Variants in LUC7L2 observed in about 807,000 individuals in gnomAD.
LUC7L2 encodes the protein putative RNA-binding protein Luc7-like 2.
LUC7L2 carries 25 observed loss-of-function variants against 52.8 expected under a neutral mutation model. The observed-to-expected ratio is 0.47, with a 90% CI of 0.34 to 0.66. The LOEUF (loss-of-function observed/expected upper bound fraction) is 0.66. Ranked by LOEUF, LUC7L2 falls within the 30% of genes least tolerant of loss-of-function variation. The pLI, the probability that LUC7L2 is intolerant of heterozygous loss-of-function variation, is 0.01. For missense variants in LUC7L2, 328 were observed against 497.8 expected, an observed-to-expected ratio of 0.66 and a Z score of 3.25; for synonymous variants, 144 against 160.9, an observed-to-expected ratio of 0.89 and a Z score of 0.80.
At chr7:139,396,969 G>A (rs1390558196) in intron 2 of LUC7L2, among the ~76,000 whole-genome samples, 3 of 151,908 alleles carry the variant, frequency 2.0e-5, no homozygotes, top group Non-Finnish European at 4.4e-5. Flanking sequence ...TCTTGATCTC[G>A]TGCATTAGCT....
intron 1 of LUC7L2, among the ~76,000 whole-genome samples, chr7:139,352,072 A>C (rs529607642): frequency 6.6e-6 from 1 of 152,180 alleles, no homozygotes; most frequent in South Asian, 2.1e-4. Flanking sequence ...GCATGCCCCC[A>C]TAGTCCCAGC....
intron 1 of LUC7L2, among the ~76,000 whole-genome samples, chr7:139,361,870 C>T (rs891029494): frequency 2.0e-5 from 3 of 152,122 alleles, no homozygotes; most frequent in Non-Finnish European, 4.4e-5. Flanking sequence ...TTTACATGAT[C>T]CTTTTAATCC....
intron 1 of LUC7L2, among the ~76,000 whole-genome samples, chr7:139,347,360 G>A (rs1258327085): frequency 6.8e-6 from 1 of 146,410 alleles, no homozygotes; most frequent in Non-Finnish European, 1.5e-5. Context: ...AGCTGATGTG[G>A]GCGGATCACC....
chr7:139,365,267 C>G (rs577232173), intron 1 of LUC7L2, among the ~76,000 whole-genome samples: 1 of 152,288 alleles, frequency 6.6e-6, no homozygotes, highest in East Asian at 1.9e-4. Flanking sequence ...CCTGGATTCT[C>G]TACAGTTGTT....
At chr7:139,371,553 T>C in intron 1 of LUC7L2, 1 of 710,410 alleles carries the variant, frequency 1.4e-6, no homozygotes, top group Non-Finnish European at 2.2e-6. Context: ...AGAGGGTGGG[T>C]AGTACTGGGG....
intron 1 of LUC7L2, among the ~76,000 whole-genome samples, chr7:139,351,047 A>G (rs1310812605): frequency 2.6e-5 from 4 of 152,034 alleles, no homozygotes; most frequent in Non-Finnish European, 5.9e-5. Context: ...CATGTTGGGT[A>G]TTCCTCAGGG....
chr7:139,404,914 C>T (rs984640167), intron 4 of LUC7L2, among the ~76,000 whole-genome samples: 2 of 152,210 alleles, frequency 1.3e-5, no homozygotes, highest in Admixed American at 1.3e-4. Context: ...AGCAATAAGT[C>T]AGATCTGATG....
intron 8 of LUC7L2, chr7:139,416,235 C>G (rs188997961): frequency 1.4e-4 from 21 of 151,536 alleles, no homozygotes; most frequent in African/African-American, 4.8e-4. Flanking sequence ...TTCTGTCAAA[C>G]GTTTATGTCC....
At chr7:139,380,527 G>T (rs1800958395) in intron 2 of LUC7L2, among the ~76,000 whole-genome samples, 3 of 152,150 alleles carry the variant, frequency 2.0e-5, no homozygotes, top group Admixed American at 2.0e-4. Flanking sequence ...TCAAACCCTG[G>T]AGGTGGAGGT....
chr7:139,362,413 A>G (rs1051314454), intron 1 of LUC7L2, among the ~76,000 whole-genome samples: 3 of 152,114 alleles, frequency 2.0e-5, no homozygotes, highest in Non-Finnish European at 2.9e-5. Context: ...GTCAACTTCA[A>G]GTTACCCAGG....
chr7:139,408,820 C>T (rs113232210), intron 6 of LUC7L2, among the ~76,000 whole-genome samples: 210 of 138,626 alleles, frequency 1.5e-3, no homozygotes, highest in Non-Finnish European at 2.7e-3. Flanking sequence ...CCAACCTGGG[C>T]GACAGAGCGA....
chr7:139,346,065 C>T (rs1301336068), intron 1 of LUC7L2: 1 of 160,692 alleles, frequency 6.2e-6, no homozygotes, highest in South Asian at 1.7e-4. Flanking sequence ...TGGAAAAACC[C>T]CGTCTCTACT....
At chr7:139,414,921 C>G (rs994252965) in intron 8 of LUC7L2, among the ~76,000 whole-genome samples, 3 of 152,010 alleles carry the variant, frequency 2.0e-5, no homozygotes, top group African/African-American at 7.3e-5. Flanking sequence ...GAGTCTTGCT[C>G]TGTTGCCCAG....
intron 7 of LUC7L2, 52 bp from the exon 8 acceptor site, chr7:139,412,497 ACT>A: frequency 6.5e-7 from 1 of 1,545,552 alleles, no homozygotes; most frequent in South Asian, 1.2e-5. Flanking sequence ...GTAACACTGC[ACT>A]GTTTTCTTAT....
Position 139,422,218 on chromosome 7 carries a change from A to C in LUC7L2, c.1057A>C (p.Ser353Arg). The change falls in exon 10 of 10, where the codon AGT (serine) becomes CGT (arginine). Residue 353 changes from serine to arginine, a missense_variant. Physicochemically the swap from Ser to Arg is moderately radical, Grantham distance 110 (BLOSUM62 -1). This residue lies in a region of LUC7L2 where 195 missense variants were observed against 223.3 expected (regional missense o/e 0.87). Coordinates refer to ENST00000354926, the MANE Select transcript of LUC7L2 (RefSeq NM_016019.5). ...QDLASCDRDRSSRDRSPRDRD... is the reference protein window; with the variant it reads ...QDLASCDRDRRSRDRSPRDRD... ...CTTAGCATCATGTGACAGAGACAGGAGTTCAAGAGACAGATCACCTCGTGA... is the reference window on the plus strand; with the variant it reads ...CTTAGCATCATGTGACAGAGACAGGCGTTCAAGAGACAGATCACCTCGTGA... The C allele has an allele frequency of 6.2e-7, 1 of 1,614,172 alleles. No homozygotes were observed.
upstream of LUC7L2, among the ~76,000 whole-genome samples, chr7:139,358,801 C>T (rs1799706461): frequency 1.3e-5 from 2 of 152,158 alleles, no homozygotes; most frequent in South Asian, 4.1e-4. Context: ...TCTCCTGCCT[C>T]AGCCTCCCGA....
chr7:139,399,769 G>A (rs573071284), intron 3 of LUC7L2, among the ~76,000 whole-genome samples: 15 of 152,124 alleles, frequency 9.9e-5, no homozygotes, highest in East Asian at 3.9e-4. Context: ...GCACCCGGCC[G>A]TTTGGGGGAT....
rs539771697 is a variant in LUC7L2, at chr7:139,379,549, C to CTTTTTTTTT, written c.156+3423_156+3431dup. On this transcript the variant is annotated intron_variant, in intron 2 of 9. Coordinates refer to ENST00000354926, the MANE Select transcript of LUC7L2 (RefSeq NM_016019.5). ...TTTCATTATTCTAGTATAACTAATG[C>CTTTTTTTTT]TTTTTTTTTTTTTTTTTTTTTTTTT... Among the ~76,000 whole-genome samples, 6 of 52,722 alleles carry CTTTTTTTTT rather than the reference C, an allele frequency of 1.1e-4. 2 individuals carry two copies. Among genetic ancestry groups the CTTTTTTTTT allele is most frequent in the African/African-American group, 4.4e-4 (5 of 11,450 alleles). 34.6% of individuals were successfully genotyped at this position (52,722 alleles called of 152,430 possible).
intron 8 of LUC7L2, chr7:139,416,070 T>C (rs1795597077): frequency 1.9e-5 from 1 of 51,584 alleles, no homozygotes; most frequent in South Asian, 5.4e-4. Flanking sequence ...TATATATATA[T>C]ATATATATAT....
Sources: allele counts gnomAD v4.1 joint callset (sites outside exome capture counted in the v4.1 genomes callset), GRCh38; gene constraint gnomAD v4.1.1; regional missense constraint gnomAD v4.1.1; transcripts MANE v1.5; gene names NCBI Gene and HGNC (gene_info 2026-07-23, HGNC 2026-07-21).